Variants in ZNF536 observed in about 807,000 individuals in gnomAD.
The protein encoded by ZNF536 is zinc finger protein 536.
ZNF536 carries 13 observed loss-of-function variants against 84.5 expected under a neutral mutation model. The ratio of observed to expected loss-of-function variants is 0.15; its 90% CI spans 0.10 to 0.24. The LOEUF is 0.24. Among genes scored for constraint, ZNF536 ranks in the 10% least tolerant of loss-of-function variants. The pLI is 1.00. For synonymous variants in ZNF536, 811 were observed against 742.5 expected, an observed-to-expected ratio of 1.09 and a Z score of -1.50; for missense variants, 1,536 against 1,747.5, an observed-to-expected ratio of 0.88 and a Z score of 2.16.
intron 1 of ZNF536, chr19:30,665,675 T>G (rs1015242360): frequency 6.6e-6 from 1 of 152,392 alleles, no homozygotes; most frequent in Non-Finnish European, 1.5e-5. Context: ...TGGAGATCCT[T>G]GCTTCTGCCA....
intron 1 of ZNF536, among the ~76,000 whole-genome samples, chr19:30,383,767 C>T (rs1280627547): frequency 1.3e-5 from 1 of 79,174 alleles, no homozygotes; most frequent in Non-Finnish European, 3.2e-5. Context: ...CTCTTTCTTT[C>T]TTTCTTTTCT....
At chr19:30,704,457 A>C (rs1053727576) in intron 1 of ZNF536, among the ~76,000 whole-genome samples, 1 of 151,808 alleles carries the variant, frequency 6.6e-6, no homozygotes, top group African/African-American at 2.4e-5. Context: ...GACTAACCTG[A>C]CCAACCTGGT....
At chr19:30,274,993 C>T (rs1414373658) in intron 1 of ZNF536, among the ~76,000 whole-genome samples, 3 of 152,306 alleles carry the variant, frequency 2.0e-5, no homozygotes, top group African/African-American at 7.2e-5. Context: ...ATTTTTCCCC[C>T]GTTTGCATCA....
At chr19:30,254,473 T>C (rs928758322) in intron 1 of ZNF536, among the ~76,000 whole-genome samples, 7 of 152,072 alleles carry the variant, frequency 4.6e-5, no homozygotes, top group Non-Finnish European at 7.4e-5. Flanking sequence ...GCCCGCCTTA[T>C]TGTTCAAGTG....
At chr19:30,432,392 G>A (rs1019102706) in intron 1 of ZNF536, among the ~76,000 whole-genome samples, 4 of 152,096 alleles carry the variant, frequency 2.6e-5, no homozygotes, top group African/African-American at 9.7e-5. Context: ...CTCTCACCAA[G>A]CTTCCATTCT....
In ZNF536 at chr19:30,452,802, C is replaced by A. The variant is rs138124082; in HGVS notation, c.2170+7070C>A. 8.4e-3 allele frequency among the ~76,000 whole-genome samples: 1,279 copies of A among 152,256 alleles called. 7 individuals are homozygous for A. The highest frequency in any genetic ancestry group is 0.011 in the Non-Finnish European group (749 of 68,026). On this transcript the variant is annotated intron_variant, in intron 2 of 4. Coordinates refer to ENST00000355537, the MANE Select transcript of ZNF536 (RefSeq NM_014717.3). The stretch of plus-strand genomic sequence containing the variant: ...CCTTTGCCATCTGTGACCCTTGGGC[C>A]TGTTTGCTGCCCTTCTGGGTGTCTC...
intron 1 of ZNF536, among the ~76,000 whole-genome samples, chr19:30,622,613 C>A (rs956948071): frequency 2.6e-5 from 4 of 152,076 alleles, no homozygotes; most frequent in East Asian, 1.9e-4. Flanking sequence ...GGATGCTGTG[C>A]TTTACACCTC....
At chr19:30,398,409 G>A (rs2049910665) in intron 1 of ZNF536, among the ~76,000 whole-genome samples, 1 of 144,580 alleles carries the variant, frequency 6.9e-6, no homozygotes, top group Non-Finnish European at 1.5e-5. Context: ...TTAAATTATA[G>A]TTTAAGTTAT....
intron 2 of ZNF536, among the ~76,000 whole-genome samples, chr19:30,324,693 T>C (rs2046966549): frequency 1.3e-5 from 2 of 152,220 alleles, no homozygotes; most frequent in Admixed American, 6.5e-5. Flanking sequence ...CGTCTGACTT[T>C]CCTTGTGTTC....
chr19:30,602,435 T>A (rs1389929345), intron 1 of ZNF536, among the ~76,000 whole-genome samples: 5 of 152,220 alleles, frequency 3.3e-5, no homozygotes, highest in African/African-American at 1.2e-4. Context: ...ACAACCCCAA[T>A]ACATTTATTT....
intron 2 of ZNF536, among the ~76,000 whole-genome samples, chr19:30,515,991 C>T (rs553605614): frequency 2.1e-5 from 3 of 140,042 alleles, no homozygotes; most frequent in Non-Finnish European, 4.5e-5. Flanking sequence ...CATGCCACTG[C>T]ACTCCAGCCT....
intron 1 of ZNF536, among the ~76,000 whole-genome samples, chr19:30,680,052 G>A (rs1206147380): frequency 1.3e-5 from 2 of 152,032 alleles, no homozygotes; most frequent in Non-Finnish European, 2.9e-5. Flanking sequence ...CAAGGTTGGG[G>A]TGTGTGCTGT....
chr19:30,393,379 A>G (rs1383951140), intron 1 of ZNF536, among the ~76,000 whole-genome samples: 6 of 152,100 alleles, frequency 3.9e-5, no homozygotes, highest in African/African-American at 1.4e-4. Flanking sequence ...TGATTAATTC[A>G]CTCATTCCAA....
At chr19:30,589,643 AG>A (rs2047210784) in intron 1 of ZNF536, among the ~76,000 whole-genome samples, 1 of 152,166 alleles carries the variant, frequency 6.6e-6, no homozygotes, top group Non-Finnish European at 1.5e-5. Flanking sequence ...AGCAAAAAGA[AG>A]GGTGTGTTAC....
intron 1 of ZNF536, among the ~76,000 whole-genome samples, chr19:30,251,349 T>C (rs1001535103): frequency 1.3e-5 from 2 of 152,140 alleles, no homozygotes; most frequent in Non-Finnish European, 2.9e-5. Flanking sequence ...AATTCCCATA[T>C]GGATGGTTGG....
intron 2 of ZNF536, among the ~76,000 whole-genome samples, chr19:30,485,881 G>A (rs1340004933): frequency 6.6e-6 from 1 of 151,876 alleles, no homozygotes. Context: ...TCAAATTTCA[G>A]AGAAAGATGT....
intron 2 of ZNF536, among the ~76,000 whole-genome samples, chr19:30,488,964 G>C (rs561012710): frequency 6.6e-6 from 1 of 152,262 alleles, no homozygotes; most frequent in Non-Finnish European, 1.5e-5. Context: ...TTAAGTGCTA[G>C]GGCTGCTGAC....
At chr19:30,391,938 A>G (rs2049606522) in intron 1 of ZNF536, among the ~76,000 whole-genome samples, 1 of 152,176 alleles carries the variant, frequency 6.6e-6, no homozygotes, top group South Asian at 2.1e-4. Flanking sequence ...AGTACGTCTT[A>G]GACATCTCTC....
chr19:30,454,449 T>G (rs1290214969), intron 2 of ZNF536, among the ~76,000 whole-genome samples: 1 of 152,260 alleles, frequency 6.6e-6, no homozygotes, highest in Non-Finnish European at 1.5e-5. Flanking sequence ...GAGTTCAACA[T>G]GAAGTGTATG....
Sources: gnomAD v4.1 joint callset for allele counts (sites outside exome capture counted in the v4.1 genomes callset) on GRCh38, gnomAD v4.1.1 for gene constraint, MANE v1.5 for transcripts, NCBI Gene and HGNC (gene_info 2026-07-23, HGNC 2026-07-21) for gene names.